Variants in CRTAC1 observed in about 807,000 individuals in gnomAD.
CRTAC1 encodes the protein cartilage acidic protein 1.
In CRTAC1, 37 loss-of-function variants were observed where a neutral mutation model predicts 67.8. The ratio of observed to expected loss-of-function variants is 0.55; its 90% CI spans 0.42 to 0.72. CRTAC1 has a LOEUF of 0.72. CRTAC1 is among the 30% of genes least tolerant of loss of function. The probability of loss-of-function intolerance (pLI) is 0.00; values close to 1 mark genes in which losing one functional copy is unlikely to be tolerated. For synonymous variants in CRTAC1, 348 were observed against 371.0 expected (o/e 0.94, Z 0.71); for missense variants, 780 against 931.6 (o/e 0.84, Z 2.12).
In CRTAC1 at chr10:97,876,769, C is replaced by T. The variant is rs549198034; in HGVS notation, c.1819+3480G>A. ...GGGGACGGAACGGTTTGGGCTCCCA[C>T]GGGTCTCAGAGAAAGGGATTAGAAG... On this transcript the variant is annotated intron_variant, in intron 14 of 14. Coordinates refer to ENST00000370597, the MANE Select transcript of CRTAC1 (RefSeq NM_018058.7). Among the ~76,000 whole-genome samples the T allele has an allele frequency of 7.9e-4, 120 of 152,116 alleles. 1 individual carries two copies. The highest frequency in any genetic ancestry group is 3.3e-3 in the Admixed American group (51 of 15,284).
intron 3 of CRTAC1, among the ~76,000 whole-genome samples, chr10:97,925,064 C>T (rs1337193141): frequency 6.6e-6 from 1 of 152,100 alleles, no homozygotes; most frequent in Non-Finnish European, 1.5e-5. Flanking sequence ...CCCAGGAGTT[C>T]TAGACCAGCC....
chr10:97,970,123 T>G (rs560264378), intron 2 of CRTAC1, among the ~76,000 whole-genome samples: 1 of 152,122 alleles, frequency 6.6e-6, no homozygotes, highest in Non-Finnish European at 1.5e-5. Flanking sequence ...CGAGTCTAAC[T>G]GGATTCCTCT....
chr10:97,985,738 C>G (rs994182304), intron 2 of CRTAC1, among the ~76,000 whole-genome samples: 1 of 152,208 alleles, frequency 6.6e-6, no homozygotes, highest in African/African-American at 2.4e-5. Context: ...AAGAATCACC[C>G]TTCAACCCCT....
At position 98,024,746 on chromosome 10, in the gene CRTAC1, C is replaced by CTTTTTTT. The variant is rs749919406; in HGVS notation, c.24+5696_24+5702dup. Among the ~76,000 whole-genome samples, 17 of 65,054 alleles carry CTTTTTTT rather than the reference C, an allele frequency of 2.6e-4. 2 individuals are homozygous for CTTTTTTT. Among genetic ancestry groups the CTTTTTTT allele is most frequent in the Non-Finnish European group, 3.5e-4 (11 of 31,416 alleles). The allele number at this position is 65,054 out of a possible 152,430, so 42.7% of individuals were successfully genotyped here. On this transcript the variant is annotated intron_variant, in intron 1 of 14. Coordinates refer to ENST00000370597, the MANE Select transcript of CRTAC1 (RefSeq NM_018058.7). ...CTCTAAAGAGAATGATTATATTATCCTTTTTTTTTTTTTTTTTTTTTTTTT... is the reference window on the plus strand; with the variant it reads ...CTCTAAAGAGAATGATTATATTATCCTTTTTTTTTTTTTTTTTTTTTTTTTTTTTTTT...
chr10:97,879,791 G>T, intron 14 of CRTAC1: 1 of 1,547,682 alleles, frequency 6.5e-7, no homozygotes, highest in Non-Finnish European at 8.7e-7. Context: ...CACCTAAAAA[G>T]GCCACTTGAG....
chr10:97,868,528 G>T (rs1355968917), intron 14 of CRTAC1: 1 of 152,324 alleles, frequency 6.6e-6, no homozygotes, highest in Admixed American at 6.5e-5. Context: ...GGGCTGGGCA[G>T]TCCCCTCTGG....
At chr10:97,868,249 G>C (rs1328439320) in intron 14 of CRTAC1, 1 of 152,286 alleles carries the variant, frequency 6.6e-6, no homozygotes, top group Non-Finnish European at 1.5e-5. Context: ...TGTTAGAGCT[G>C]GCAGGGGATT....
chr10:97,899,539 C>G (rs982876974), intron 8 of CRTAC1, among the ~76,000 whole-genome samples: 1 of 152,154 alleles, frequency 6.6e-6, no homozygotes, highest in Non-Finnish European at 1.5e-5. Context: ...ACTTTATTAG[C>G]CAGAGAAGGA....
chr10:97,951,868 G>C (rs552216395), intron 2 of CRTAC1, among the ~76,000 whole-genome samples: 2 of 152,232 alleles, frequency 1.3e-5, no homozygotes, highest in South Asian at 4.1e-4. Context: ...CAGCATTTTT[G>C]GGGAGCACAT....
chr10:97,960,400 AATGAAGGACAC>A (rs1389785514), intron 2 of CRTAC1, among the ~76,000 whole-genome samples: 1 of 152,260 alleles, frequency 6.6e-6, no homozygotes, highest in East Asian at 1.9e-4. Flanking sequence ...CCTCTTGGAA[AATGAAGGACAC>A]ATGCCTCCAT....
intron 2 of CRTAC1, among the ~76,000 whole-genome samples, chr10:97,967,766 T>C (rs549175336): frequency 2.6e-5 from 4 of 151,806 alleles, no homozygotes; most frequent in African/African-American, 4.8e-5. Context: ...CCTCACTGAG[T>C]GTATTAAGCA....
chr10:97,981,201 C>T (rs2051886072), intron 2 of CRTAC1, among the ~76,000 whole-genome samples: 1 of 152,076 alleles, frequency 6.6e-6, no homozygotes, highest in Non-Finnish European at 1.5e-5. Flanking sequence ...CATTAAAAGT[C>T]TTTCCTGATT....
chr10:97,933,924 T>G (rs535989214), intron 3 of CRTAC1, among the ~76,000 whole-genome samples: 1 of 152,188 alleles, frequency 6.6e-6, no homozygotes, highest in Non-Finnish European at 1.5e-5. Context: ...GCAGCTTAGC[T>G]GGGATTGTTG....
chr10:97,934,824 C>T (rs1003997984), intron 3 of CRTAC1, among the ~76,000 whole-genome samples: 1 of 152,028 alleles, frequency 6.6e-6, no homozygotes, highest in East Asian at 1.9e-4. Flanking sequence ...GACACAGGGC[C>T]CTACATCCCT....
At chr10:98,005,031 T>C (rs1842756029) in intron 2 of CRTAC1, among the ~76,000 whole-genome samples, 1 of 146,402 alleles carries the variant, frequency 6.8e-6, no homozygotes, top group Non-Finnish European at 1.5e-5. Flanking sequence ...CTAGGTTGTG[T>C]GATTTTTTTT....
intron 2 of CRTAC1, among the ~76,000 whole-genome samples, chr10:97,993,864 C>CT (rs908203643): frequency 3.3e-5 from 5 of 151,164 alleles, no homozygotes; most frequent in African/African-American, 7.3e-5. Context: ...AGTGTTTACT[C>CT]TTTTTTTTTG....
intron 4 of CRTAC1, among the ~76,000 whole-genome samples, chr10:97,922,355 A>T (rs1483173876): frequency 6.6e-6 from 1 of 152,202 alleles, no homozygotes; most frequent in Non-Finnish European, 1.5e-5. Context: ...TGCTGTAAAG[A>T]TTCACACTGA....
chr10:97,940,321 T>C (rs893887830), intron 2 of CRTAC1, among the ~76,000 whole-genome samples: 7 of 152,216 alleles, frequency 4.6e-5, no homozygotes, highest in African/African-American at 1.2e-4. Flanking sequence ...GTGAGCTACA[T>C]GGGCTTACAC....
At chr10:97,886,970 T>A (rs1278772843) in intron 11 of CRTAC1, among the ~76,000 whole-genome samples, 5 of 151,874 alleles carry the variant, frequency 3.3e-5, no homozygotes, top group African/African-American at 1.2e-4. Context: ...TTTTTCTAAT[T>A]TGAAGTAGAA....
Sources: gnomAD v4.1 joint callset for allele counts (sites outside exome capture counted in the v4.1 genomes callset) on GRCh38, gnomAD v4.1.1 for gene constraint, MANE v1.5 for transcripts, NCBI Gene and HGNC (gene_info 2026-07-23, HGNC 2026-07-21) for gene names.